LY96: variants seen among roughly 807,000 people sequenced by gnomAD.
The protein encoded by LY96 is myeloid differentiation protein-2.
LY96 carries 18 observed loss-of-function variants against 18.9 expected under a neutral mutation model. The observed-to-expected ratio is 0.95, with a 90% CI of 0.66 to 1.41. The LOEUF (loss-of-function observed/expected upper bound fraction) is 1.41, where lower values mean the gene tolerates loss of function less well. LY96 is among the 40% of genes most tolerant of loss of function. The pLI is 0.00. For synonymous variants in LY96, 66 were observed against 62.6 expected (o/e 1.06, Z -0.26); for missense variants, 175 against 182.4 (o/e 0.96, Z 0.23).
the LY96 span, among the ~76,000 whole-genome samples, chr8:74,049,120 C>A: frequency 1.3e-5 from 2 of 152,212 alleles, 1 homozygote; most frequent in Non-Finnish European, 2.9e-5. Flanking sequence ...ATCTACCCCA[C>A]TAGACTGTAT....
At chr8:73,996,367 TCA>T (rs1563707743) in intron 1 of LY96, among the ~76,000 whole-genome samples, 175 of 110,584 alleles carry the variant, frequency 1.6e-3, no homozygotes, top group Middle Eastern at 8.0e-3. Context: ...CTTCCTTCCT[TCA>T]TTCCTTTCTT....
At chr8:74,073,777 C>T in the LY96 span, among the ~76,000 whole-genome samples, 1 of 151,724 alleles carries the variant, frequency 6.6e-6, no homozygotes, top group Non-Finnish European at 1.5e-5. Context: ...AATTCTCCTG[C>T]CTCAGCCTCC....
At chr8:74,010,722 C>T (rs559974170) in intron 3 of LY96, among the ~76,000 whole-genome samples, 7 of 151,718 alleles carry the variant, frequency 4.6e-5, no homozygotes, top group Non-Finnish European at 8.8e-5. Flanking sequence ...AAGAATCCTT[C>T]TTTTGTTATG....
chr8:74,078,374 A>C, the LY96 span, among the ~76,000 whole-genome samples: 1 of 152,228 alleles, frequency 6.6e-6, no homozygotes, highest in Non-Finnish European at 1.5e-5. Flanking sequence ...GACAGAAAGC[A>C]AACTACTGAG....
the LY96 span, among the ~76,000 whole-genome samples, chr8:74,085,534 A>G: frequency 3.3e-5 from 5 of 152,194 alleles, no homozygotes; most frequent in African/African-American, 1.2e-4. Flanking sequence ...TGTTGAAAAT[A>G]GTTCTCTGCC....
chr8:74,000,365 A>G (rs369616111), intron 1 of LY96, among the ~76,000 whole-genome samples: 4 of 152,030 alleles, frequency 2.6e-5, no homozygotes, highest in African/African-American at 9.7e-5. Flanking sequence ...CTGTGTAGCA[A>G]GGATGGCCTT....
At chr8:74,021,161 A>T (rs965119541) in intron 3 of LY96, among the ~76,000 whole-genome samples, 2 of 152,234 alleles carry the variant, frequency 1.3e-5, no homozygotes, top group Non-Finnish European at 2.9e-5. Flanking sequence ...AAATTTTTAC[A>T]ATCTACCCGT....
intron 1 of LY96, among the ~76,000 whole-genome samples, chr8:73,993,250 T>G (rs1480118396): frequency 1.3e-5 from 2 of 152,126 alleles, no homozygotes; most frequent in African/African-American, 4.8e-5. Flanking sequence ...TCAATTTGTC[T>G]TTTTAAAACA....
At chr8:74,031,371 T>C (rs944946062), downstream of LY96, among the ~76,000 whole-genome samples, 1 of 152,214 alleles carries the variant, frequency 6.6e-6, no homozygotes, top group South Asian at 2.1e-4. Flanking sequence ...CTCACGCCTG[T>C]AATCCCAGCA....
chr8:74,083,459 C>T, the LY96 span, among the ~76,000 whole-genome samples: 3 of 152,180 alleles, frequency 2.0e-5, no homozygotes. Flanking sequence ...TGTGATCCAC[C>T]TGCCTTGGCC....
chr8:74,043,304 G>A, the LY96 span, among the ~76,000 whole-genome samples: 1 of 152,234 alleles, frequency 6.6e-6, no homozygotes, highest in African/African-American at 2.4e-5. Flanking sequence ...TGAAGAGGTT[G>A]TCAATTGGGA....
At chr8:74,057,942 C>T in the LY96 span, among the ~76,000 whole-genome samples, 1 of 152,132 alleles carries the variant, frequency 6.6e-6, no homozygotes, top group East Asian at 1.9e-4. Context: ...GAAAAGGGTT[C>T]CAGCTAGAGG....
At chr8:73,993,018 C>A (rs1368483500) in intron 1 of LY96, among the ~76,000 whole-genome samples, 1 of 150,986 alleles carries the variant, frequency 6.6e-6, no homozygotes, top group Non-Finnish European at 1.5e-5. Flanking sequence ...CCACACCCGG[C>A]TAATTTTTTT....
chr8:73,992,781 G>C lies in LY96; in HGVS notation c.112+1227G>C, dbSNP rs187100096. Among the ~76,000 whole-genome samples the C allele has an allele frequency of 2.3e-4, 35 of 151,390 alleles. No individual in the cohort carries two copies. The East Asian group carries it at 6.8e-3, about 29-fold the overall frequency. Reference sequence around the variant, plus strand: ...TCCAGCAAGGCTCCTACTCTACTTGGCCCCCACTTCCCTCTCCTCCTTTGG... The same window carrying C: ...TCCAGCAAGGCTCCTACTCTACTTGCCCCCCACTTCCCTCTCCTCCTTTGG... On this transcript the variant is annotated intron_variant, in intron 1 of 4. Transcript: ENST00000284818.
chr8:74,062,981 T>C, the LY96 span, among the ~76,000 whole-genome samples: 1 of 152,198 alleles, frequency 6.6e-6, no homozygotes, highest in African/African-American at 2.4e-5. Flanking sequence ...ATTTAACTTA[T>C]AACTTCTGAG....
chr8:74,046,900 A>ATT, the LY96 span, among the ~76,000 whole-genome samples: 1 of 124,446 alleles, frequency 8.0e-6, no homozygotes, highest in African/African-American at 3.5e-5. Context: ...TCTCATTCTC[A>ATT]TTCTTTTTTT....
At chr8:74,089,892 T>C in the LY96 span, among the ~76,000 whole-genome samples, 3 of 151,192 alleles carry the variant, frequency 2.0e-5, no homozygotes, top group Admixed American at 2.0e-4. Flanking sequence ...AGGATAAGCA[T>C]CCAAGCAAAG....
At chr8:74,086,753 C>A in the LY96 span, among the ~76,000 whole-genome samples, 1 of 152,184 alleles carries the variant, frequency 6.6e-6, no homozygotes, top group Non-Finnish European at 1.5e-5. Context: ...GAGGCACAGC[C>A]CTGCCGAATG....
chr8:74,005,685 C>A (rs1816394555), intron 2 of LY96, among the ~76,000 whole-genome samples: 1 of 152,156 alleles, frequency 6.6e-6, no homozygotes, highest in South Asian at 2.1e-4. Context: ...CTCTCTATGA[C>A]TTTGCTTGTT....
Sources: allele counts gnomAD v4.1 joint callset (sites outside exome capture counted in the v4.1 genomes callset), GRCh38; gene constraint gnomAD v4.1.1; transcripts MANE v1.5; gene names NCBI Gene and HGNC (gene_info 2026-07-23, HGNC 2026-07-21).